The following CYREN variants were observed in gnomAD, a reference collection of about 807,000 sequenced individuals.
CYREN encodes the protein cell cycle regulator of NHEJ.
Under a neutral mutation model 9.7 loss-of-function variants are expected in CYREN, and 7 were observed. That is an observed-to-expected ratio of 0.72 (90% CI 0.41 to 1.36). The LOEUF (loss-of-function observed/expected upper bound fraction) is 1.36, where lower values mean the gene tolerates loss of function less well. CYREN is among the 40% of genes most tolerant of loss of function. CYREN has a pLI of 0.01. For synonymous variants in CYREN, 76 were observed against 77.9 expected (o/e 0.98, Z 0.13); for missense variants, 215 against 198.1 (o/e 1.09, Z -0.51).
At chr7:135,115,435 G>A in intron 2 of CYREN, 1 of 1,551,370 alleles carries the variant, frequency 6.4e-7, no homozygotes, top group South Asian at 1.2e-5. Flanking sequence ...TCCAAAGCAA[G>A]AAGACTGGCA....
intron 2 of CYREN, among the ~76,000 whole-genome samples, chr7:135,152,577 G>T (rs765122459): frequency 3.1e-4 from 47 of 152,200 alleles, no homozygotes; most frequent in Non-Finnish European, 5.6e-4. Flanking sequence ...TTAGCACAGG[G>T]CCTGGCATAT....
At chr7:135,159,050 A>G (rs1027054882) in intron 2 of CYREN, among the ~76,000 whole-genome samples, 3 of 152,166 alleles carry the variant, frequency 2.0e-5, no homozygotes, top group Non-Finnish European at 4.4e-5. Flanking sequence ...TTTGTTTTGG[A>G]GCCCTAGGGG....
In CYREN at chr7:135,155,996, TG is replaced by T. The variant is rs1340583386; in HGVS notation, n.356+12752del. On this transcript the variant is annotated intron_variant and non_coding_transcript_variant, in intron 2 of 2. Coordinates refer to the CYREN transcript ENST00000459937. ...ATTTCTCCTTTTATAAAGCTTATTC[TG>T]GCAGGATACAAAATTCTTGGCTGAC... Among the ~76,000 whole-genome samples, 4 of 152,082 alleles carry T rather than the reference TG, an allele frequency of 2.6e-5. No individual in the cohort carries two copies. In the East Asian group the frequency reaches 7.7e-4, roughly 29 times the overall value.
At chr7:135,107,142 GA>G (rs1824849567) in intron 2 of CYREN, among the ~76,000 whole-genome samples, 2 of 116,774 alleles carry the variant, frequency 1.7e-5, no homozygotes, top group African/African-American at 5.7e-5. Flanking sequence ...CTATATTATT[GA>G]TTTTTTTTTC....
chr7:135,136,261 A>T (rs1245906983), intron 2 of CYREN, among the ~76,000 whole-genome samples: 3 of 152,118 alleles, frequency 2.0e-5, no homozygotes, highest in Non-Finnish European at 4.4e-5. Context: ...GGGTGGAACT[A>T]TGAAGATCTG....
At chr7:135,101,885 G>C (rs4449731) in intron 2 of CYREN, among the ~76,000 whole-genome samples, 73,689 of 151,888 alleles carry the variant, frequency 0.49, 18,248 homozygotes, top group South Asian at 0.66. Flanking sequence ...TTGAATCATG[G>C]AGGCGGCGTC....
chr7:135,110,512 T>C (rs1825473503), intron 2 of CYREN, among the ~76,000 whole-genome samples: 1 of 152,152 alleles, frequency 6.6e-6, no homozygotes, highest in Non-Finnish European at 1.5e-5. Context: ...CCTCCTGACC[T>C]GGGAGCTGCA....
chr7:135,171,044 G>C (rs944131530), upstream of CYREN, among the ~76,000 whole-genome samples: 2 of 152,312 alleles, frequency 1.3e-5, no homozygotes, highest in African/African-American at 4.8e-5. Context: ...CAGAAACCAG[G>C]CGAAGCTCCC....
At chr7:135,141,736 T>C (rs1829456317) in intron 2 of CYREN, among the ~76,000 whole-genome samples, 1 of 152,178 alleles carries the variant, frequency 6.6e-6, no homozygotes, top group Non-Finnish European at 1.5e-5. Context: ...CCAGACATTC[T>C]CATATGTTGT....
chr7:135,108,018 A>C (rs1825019900), intron 2 of CYREN, among the ~76,000 whole-genome samples: 1 of 151,940 alleles, frequency 6.6e-6, no homozygotes, highest in Non-Finnish European at 1.5e-5. Context: ...TGGTGGTCTG[A>C]AATTAGGATT....
exon 3 of CYREN, chr7:135,093,951 T>G: frequency 5.9e-6 from 1 of 168,900 alleles, no homozygotes; most frequent in South Asian, 1.5e-4. Context: ...TTATATATAT[T>G]TCAATTGATT....
chr7:135,129,867 C>T (rs1305005653), intron 2 of CYREN, among the ~76,000 whole-genome samples: 1 of 152,186 alleles, frequency 6.6e-6, no homozygotes, highest in Admixed American at 6.5e-5. Flanking sequence ...TGCATTCATA[C>T]ATTTTTTAAT....
intron 2 of CYREN, among the ~76,000 whole-genome samples, chr7:135,096,760 AAAG>A (rs1162531831): frequency 1.3e-5 from 2 of 148,764 alleles, no homozygotes; most frequent in Non-Finnish European, 3.0e-5. Flanking sequence ...AGAAAGAAAG[AAAG>A]AAAGAAAGAA....
intron 2 of CYREN, among the ~76,000 whole-genome samples, chr7:135,152,665 A>G (rs556170845): frequency 6.6e-6 from 1 of 152,294 alleles, no homozygotes; most frequent in East Asian, 1.9e-4. Context: ...CTTCTCAGAC[A>G]CCTTCCACTG....
intron 2 of CYREN, among the ~76,000 whole-genome samples, chr7:135,105,755 A>T (rs982528470): frequency 6.6e-6 from 1 of 151,984 alleles, no homozygotes; most frequent in African/African-American, 2.4e-5. Flanking sequence ...TTTTACAATA[A>T]TTTTTTCTGG....
At chr7:135,170,517 GCGGCCGCGCGCTCCTC>G (rs1421560068) in intron 1 of CYREN, 119 bp downstream of exon 1, 1 of 152,344 alleles carries the variant, frequency 6.6e-6, no homozygotes, top group Non-Finnish European at 1.5e-5. Flanking sequence ...TCCGACTGGA[GCGGCCGCGCGCTCCTC>G]CGGCCGGCTA....
chr7:135,168,187 A>AG (rs1328239004), intron 2 of CYREN: 4 of 235,122 alleles, frequency 1.7e-5, no homozygotes, highest in African/African-American at 2.3e-5. Flanking sequence ...AGCAGTCACA[A>AG]GGGAAGGCTG....
intron 2 of CYREN, among the ~76,000 whole-genome samples, chr7:135,159,656 T>C (rs757129371): frequency 3.3e-5 from 5 of 152,164 alleles, no homozygotes; most frequent in Non-Finnish European, 5.9e-5. Context: ...ACAACTAAGA[T>C]GGCAAAAGGC....
intron 2 of CYREN, among the ~76,000 whole-genome samples, chr7:135,140,625 C>A (rs1461083999): frequency 6.6e-6 from 1 of 151,994 alleles, no homozygotes; most frequent in African/African-American, 2.4e-5. Context: ...AAGTGGACAT[C>A]CTTGTTTTGT....
Sources: allele counts gnomAD v4.1 joint callset (sites outside exome capture counted in the v4.1 genomes callset), GRCh38; gene constraint gnomAD v4.1.1; transcripts MANE v1.5; gene names NCBI Gene and HGNC (gene_info 2026-07-23, HGNC 2026-07-21).